The following PAK6 variants were observed in gnomAD, a reference collection of about 807,000 sequenced individuals.
The protein encoded by PAK6 is serine/threonine-protein kinase PAK 6.
PAK6 carries 33 observed loss-of-function variants against 60.8 expected under a neutral mutation model. That is an observed-to-expected ratio of 0.54 (90% CI 0.41 to 0.73). The LOEUF (loss-of-function observed/expected upper bound fraction) is 0.73. Ranked by LOEUF, PAK6 falls within the 30% of genes least tolerant of loss-of-function variation. The pLI is 0.00. For synonymous variants in PAK6, 404 were observed against 378.5 expected (o/e 1.07, Z -0.78); for missense variants, 845 against 904.1 (o/e 0.93, Z 0.84).
Position 40,274,281 on chromosome 15 carries a change from G to T in PAK6, c.1878+5G>T. Reference sequence around the variant, plus strand: ...AAGCTGAAAAACTCTCACAAGGTCAGTTGGCACACAAGGGTGCGACCTCGC... The same window carrying T: ...AAGCTGAAAAACTCTCACAAGGTCATTTGGCACACAAGGGTGCGACCTCGC... On this transcript the variant is annotated splice_donor_5th_base_variant and intron_variant, in intron 10 of 10. Transcript: ENST00000560346. 2.5e-6 allele frequency: 4 copies of T among 1,600,754 alleles called. No homozygotes were observed. Among genetic ancestry groups the T allele is most frequent in the Non-Finnish European group, 3.4e-6 (4 of 1,173,336 alleles).
intron 2 of PAK6, among the ~76,000 whole-genome samples, chr15:40,243,457 G>A (rs1595562417): frequency 6.6e-6 from 1 of 152,152 alleles, no homozygotes; most frequent in African/African-American, 2.4e-5. Context: ...GTTGTTGAGA[G>A]GATTAAATAA....
intron 5 of PAK6, among the ~76,000 whole-genome samples, chr15:40,268,854 C>T (rs2039222811): frequency 6.6e-6 from 1 of 152,178 alleles, no homozygotes; most frequent in Non-Finnish European, 1.5e-5. Flanking sequence ...CGATATATGT[C>T]AAGGATACAT....
chr15:40,241,801 G>A (rs2038356230), intron 2 of PAK6, among the ~76,000 whole-genome samples: 1 of 152,348 alleles, frequency 6.6e-6, no homozygotes, highest in South Asian at 2.1e-4. Context: ...AGCCCGCTCT[G>A]TGCACAACTC....
intron 2 of PAK6, chr15:40,246,390 G>A (rs2038495210): frequency 1.3e-5 from 2 of 152,258 alleles, no homozygotes; most frequent in African/African-American, 2.4e-5. Context: ...GCCCAAGCTA[G>A]ACAAGAAGAC....
chr15:40,272,258 A>G (rs1383701420), exon 6 of PAK6: 9 of 1,610,538 alleles, frequency 5.6e-6, no homozygotes, highest in Admixed American at 1.7e-5. Flanking sequence ...CAGAAAGACA[A>G]CCCCCCAAGC....
rs766291556 is a variant in PAK6, at chr15:40,266,141, C to A, written c.504C>A (p.Val168=). Residue 168 remains valine (V), a synonymous_variant, in exon 5 of 11, where the codon GTC becomes GTA. Transcript: ENST00000560346. ...GGCCCGAGCCACAGAGCCCACGGGT[C>A]CTGCCCAATGGGCTGGCTGCAAAGG... 4 of 1,609,622 alleles carry A rather than the reference C, an allele frequency of 2.5e-6. No homozygotes were observed. The South Asian group carries it at 4.4e-5, about 18-fold the overall frequency.
chr15:40,263,991 T>C, intron 3 of PAK6: 1 of 455,602 alleles, frequency 2.2e-6, no homozygotes, highest in Non-Finnish European at 4.4e-6. Flanking sequence ...CTGCCTTCTC[T>C]GGAGAGCTTT....
chr15:40,267,380 G>A (rs762691674), intron 5 of PAK6, among the ~76,000 whole-genome samples: 10 of 152,198 alleles, frequency 6.6e-5, no homozygotes, highest in Non-Finnish European at 1.3e-4. Context: ...CTGGGCGGCC[G>A]CGCGTGGTGG....
chr15:40,264,511 A>C, intron 3 of PAK6: 1 of 586,202 alleles, frequency 1.7e-6, no homozygotes, highest in Non-Finnish European at 3.2e-6. Context: ...TGCCTGCTCC[A>C]TAGGGGACTT....
chr15:40,269,715 C>G (rs562803003), intron 5 of PAK6, among the ~76,000 whole-genome samples: 3 of 152,326 alleles, frequency 2.0e-5, no homozygotes, highest in South Asian at 2.1e-4. Flanking sequence ...CCCAGACTCC[C>G]CAGCCTATGT....
rs747844675 is a variant in PAK6, at chr15:40,253,210, G to A, written c.-85G>A. 4 of 456,126 alleles carry A rather than the reference G, an allele frequency of 8.8e-6. No individual in the cohort carries two copies. In the East Asian group the frequency reaches 2.8e-4, roughly 32 times the overall value. The allele number at this position is 456,126 out of a possible 1,614,324, so 28.3% of individuals were successfully genotyped here. ...GAGGACTGGCCCAGCAAGGTCCCAGGTCTTCCCTCTCCTCAGCGCCTAAGA... is the reference window on the plus strand; with the variant it reads ...GAGGACTGGCCCAGCAAGGTCCCAGATCTTCCCTCTCCTCAGCGCCTAAGA... On this transcript the variant is annotated 5_prime_UTR_variant, in exon 3 of 11. Coordinates refer to ENST00000560346, the Ensembl canonical transcript of PAK6.
At chr15:40,249,669 T>C (rs372171732) in intron 2 of PAK6, among the ~76,000 whole-genome samples, 10 of 152,248 alleles carry the variant, frequency 6.6e-5, no homozygotes, top group African/African-American at 2.4e-4. Flanking sequence ...GAAGGGATAA[T>C]GTGTTTGTCT....
chr15:40,272,157 T>G, intron 5 of PAK6, 67 bp from the exon 6 acceptor site: 1 of 1,537,794 alleles, frequency 6.5e-7, no homozygotes, highest in East Asian at 2.3e-5. Context: ...GGCCAGCCCC[T>G]GCCTCCGGGA....
At position 40,242,548 on chromosome 15, in the gene PAK6, C is replaced by A. The variant is rs77318182; in HGVS notation, c.-118+1867C>A. On this transcript the variant is annotated intron_variant, in intron 2 of 10. Coordinates refer to ENST00000560346, the Ensembl canonical transcript of PAK6. ...AAGGAGAGAGCTTATTTCTGGGAGC[C>A]TCCTTGGTAGAAAGAGGTGGACTAG... Among the ~76,000 whole-genome samples, 1,464 of 152,314 alleles carry A rather than the reference C, an allele frequency of 9.6e-3. 24 individuals are homozygous for A. Among genetic ancestry groups the A allele is most frequent in the African/African-American group, 0.034 (1,418 of 41,564 alleles).
At chr15:40,273,060 G>A (rs2039355383) in intron 7 of PAK6, 61 bp downstream of exon 7, 6 of 1,586,130 alleles carry the variant, frequency 3.8e-6, no homozygotes, top group Non-Finnish European at 3.4e-6. Context: ...CCCTGCCAGG[G>A]CAATGTGGTC....
At chr15:40,241,424 AGGCCTGGTG>A (rs1190650411) in intron 2 of PAK6, among the ~76,000 whole-genome samples, 8 of 151,046 alleles carry the variant, frequency 5.3e-5, no homozygotes, top group African/African-American at 2.0e-4. Context: ...TGTGGCCCCC[AGGCCTGGTG>A]GGCCTGGGAC....
intron 3 of PAK6, among the ~76,000 whole-genome samples, chr15:40,262,059 TG>T (rs1459464108): frequency 6.4e-5 from 4 of 62,574 alleles, no homozygotes; most frequent in South Asian, 4.8e-4. Context: ...GGGTGGGTGG[TG>T]GGGGGCGGAT....
rs573014870 is a variant in PAK6, at chr15:40,260,928, G to A, written c.-5-3853G>A. Among the ~76,000 whole-genome samples the A allele has an allele frequency of 1.9e-3, 282 of 147,090 alleles. 1 individual carries two copies. The highest frequency in any genetic ancestry group is 2.7e-3 in the Non-Finnish European group (181 of 67,268). On this transcript the variant is annotated intron_variant, in intron 3 of 10. Coordinates refer to ENST00000560346, the Ensembl canonical transcript of PAK6. ...TTTTGAGACAGAGTCTCGCTCTGTC[G>A]CCCAGGCTGGAATGCAGTGGCCTGA...
At chr15:40,247,666 G>A (rs2038531405) in intron 2 of PAK6, among the ~76,000 whole-genome samples, 2 of 152,148 alleles carry the variant, frequency 1.3e-5, no homozygotes, top group South Asian at 2.1e-4. Context: ...TGAGGCCCAG[G>A]GTATCAGCAG....
Sources: allele counts gnomAD v4.1 joint callset (sites outside exome capture counted in the v4.1 genomes callset), GRCh38; gene constraint gnomAD v4.1.1; transcripts MANE v1.5; gene names NCBI Gene and HGNC (gene_info 2026-07-23, HGNC 2026-07-21).